The following CACNA2D4 variants were observed in gnomAD, a reference collection of about 807,000 sequenced individuals.
The protein encoded by CACNA2D4 is calcium voltage-gated channel auxiliary subunit alpha2delta 4.
A neutral mutation model predicts 163.8 loss-of-function variants in CACNA2D4; 157 were observed. The ratio of observed to expected loss-of-function variants is 0.96; its 90% CI spans 0.84 to 1.09. The LOEUF (loss-of-function observed/expected upper bound fraction) is 1.09. Ranked by LOEUF, CACNA2D4 falls within the 50% of genes least tolerant of loss-of-function variation. The probability of loss-of-function intolerance (pLI) is 0.00; values close to 1 mark genes in which losing one functional copy is unlikely to be tolerated. For missense variants in CACNA2D4, 1,410 were observed against 1,479.9 expected, an observed-to-expected ratio of 0.95 and a Z score of 0.78; for synonymous variants, 598 against 586.9, an observed-to-expected ratio of 1.02 and a Z score of -0.27.
Position 1,918,247 on chromosome 12 carries a change from G to T in CACNA2D4, c.227C>A (p.Thr76Lys). ...GGGTGGGGTTGAACGTGATGCTTAC[G>T]TTTCCAGAGGAATCTTGGCCTGTCC... ...AWGQAKIPLE[T>K]VKLWADTFGG... Residue 76 changes from threonine to lysine, a missense_variant and splice_region_variant, in exon 1 of 38, where the codon ACA (threonine) becomes AAA (lysine). Physicochemically the swap from Thr to Lys is moderately conservative, Grantham distance 78. Coordinates refer to ENST00000382722, the MANE Select transcript of CACNA2D4 (RefSeq NM_172364.5). 2 of 1,600,390 alleles carry T rather than the reference G, an allele frequency of 1.2e-6. No homozygotes were observed. Among genetic ancestry groups the T allele is most frequent in the Non-Finnish European group, 1.7e-6 (2 of 1,173,482 alleles).
chr12:1,860,004 T>G, intron 19 of CACNA2D4, 141 bp downstream of exon 19: 2 of 657,440 alleles, frequency 3.0e-6, no homozygotes. Context: ...TAGGCTACAC[T>G]GGCAAAGCAG....
At chr12:1,884,148 A>G (rs1866074392) in intron 12 of CACNA2D4, 95 bp downstream of exon 12, 1 of 1,076,908 alleles carries the variant, frequency 9.3e-7, no homozygotes, top group South Asian at 1.4e-5. Flanking sequence ...TTAGGGGCCC[A>G]TGGGGAAGCC....
intron 16 of CACNA2D4, among the ~76,000 whole-genome samples, chr12:1,877,215 T>C (rs1024382131): frequency 6.6e-6 from 1 of 152,234 alleles, no homozygotes; most frequent in African/African-American, 2.4e-5. Context: ...AATCCACTGG[T>C]TGAAGCCTTA....
intron 2 of CACNA2D4, 94 bp downstream of exon 2, chr12:1,914,760 A>G: frequency 1.3e-6 from 1 of 794,142 alleles, no homozygotes; most frequent in Non-Finnish European, 2.2e-6. Flanking sequence ...ATTTGATGGG[A>G]TGCCCAAGGC....
Position 1,879,830 on chromosome 12 carries a change from G to A in CACNA2D4, c.1537C>T (p.Pro513Ser). ...SLTLLTTVAM[P>S]VFSKKNETRS... is the part of the protein sequence containing the mutation. The stretch of plus-strand genomic sequence containing the variant: ...GTTTCGTTCTTCTTGCTGAAGACTG[G>A]CATGGCCACAGTGGTGAGCAGTGTC... The change falls in exon 14 of 38, where the codon CCA (proline) becomes TCA (serine). Residue 513 changes from proline (P) to serine (S), a missense_variant. Pro to Ser is a moderately conservative substitution (Grantham distance 74, BLOSUM62 -1). Coordinates refer to ENST00000382722, the MANE Select transcript of CACNA2D4 (RefSeq NM_172364.5). 4 of 1,602,806 alleles carry A rather than the reference G, an allele frequency of 2.5e-6. No homozygotes were observed. Among genetic ancestry groups the A allele is most frequent in the South Asian group, 2.3e-5 (2 of 88,454 alleles).
chr12:1,877,235 A>G (rs549040149), intron 16 of CACNA2D4, among the ~76,000 whole-genome samples: 5 of 152,362 alleles, frequency 3.3e-5, no homozygotes, highest in African/African-American at 9.6e-5. Context: ...ATATTCGTCT[A>G]GAGTACATAG....
At position 1,828,147 on chromosome 12, in the gene CACNA2D4, C is replaced by T; in HGVS notation, c.2551+12592G>A. 6.5e-7 allele frequency: 1 copy of T among 1,540,628 alleles called. No homozygotes were observed. Among genetic ancestry groups the T allele is most frequent in the East Asian group, 2.5e-5 (1 of 40,424 alleles). ...AGGGCCCGGAGAGCCGTGGGCCTCA[C>T]CATGCTGGCGCCGGGCAGCAGCCCT... is the stretch of plus-strand genomic sequence containing the variant. On this transcript the variant is annotated intron_variant, in intron 26 of 37. Transcript: ENST00000382722. This position sits in a 1 kb window ranked among gnomAD's most constrained non-coding sequence, Gnocchi z 4.2.
chr12:1,913,035 G>C lies in CACNA2D4; in HGVS notation c.414C>G (p.Val138=), dbSNP rs375841447. ...AGGCCTGGAGTACCTGGACCGCCTC[G>C]ACTTTCCTCCGCAGCATGTTCTCCA... ...EDMENMLRRK[V]EAVQNLVEAA... is the part of the protein sequence containing the mutation. The change falls in exon 3 of 38, where the codon GTC becomes GTG. Residue 138 remains valine, a synonymous_variant. Transcript: ENST00000382722. The C allele has an allele frequency of 1.9e-6, 3 of 1,612,046 alleles. No individual in the cohort carries two copies. In the African/African-American group the frequency reaches 4.0e-5, roughly 22 times the overall value.
At chr12:1,812,810 C>T (rs1335569063) in intron 26 of CACNA2D4, among the ~76,000 whole-genome samples, 2 of 152,172 alleles carry the variant, frequency 1.3e-5, no homozygotes, top group Non-Finnish European at 2.9e-5. Flanking sequence ...GAAGGAGCGG[C>T]GGGCACAGGC....
intron 36 of CACNA2D4, 115 bp from the exon 37 acceptor site, chr12:1,795,496 G>C: frequency 9.3e-7 from 1 of 1,079,848 alleles, no homozygotes. Flanking sequence ...AGCAGCTTTA[G>C]GGTCAGGAGG....
chr12:1,797,776 G>A (rs1365891266), intron 34 of CACNA2D4: 3 of 572,538 alleles, frequency 5.2e-6, no homozygotes, highest in Non-Finnish European at 9.3e-6. Context: ...CCTCGGTGGA[G>A]GGAAAGCGCT....
chr12:1,872,112 C>T (rs576222973), intron 18 of CACNA2D4, among the ~76,000 whole-genome samples: 11 of 152,260 alleles, frequency 7.2e-5, no homozygotes, highest in East Asian at 1.9e-4. Flanking sequence ...GGGCTTCTTA[C>T]GAGTTTAACA....
chr12:1,795,812 CCGTGG>C (rs1863105310), intron 35 of CACNA2D4, 32 bp from the exon 36 acceptor site: 1 of 1,372,288 alleles, frequency 7.3e-7, no homozygotes, highest in South Asian at 1.2e-5. Context: ...GAGGATGGCT[CCGTGG>C]CGACCACGAG....
chr12:1,870,936 C>T (rs932402170), intron 18 of CACNA2D4, among the ~76,000 whole-genome samples: 8 of 152,204 alleles, frequency 5.3e-5, no homozygotes, highest in African/African-American at 1.9e-4. Flanking sequence ...GAGCACGTCA[C>T]AGAGTACTCT....
chr12:1,800,435 T>C lies in CACNA2D4; in HGVS notation c.2872A>G (p.Ile958Val). 6.2e-7 allele frequency: 1 copy of C among 1,613,564 alleles called. No individual in the cohort carries two copies. The highest frequency in any genetic ancestry group is 2.2e-5 in the East Asian group (1 of 44,842). ...HSAAQPLVSPISAFLTATRWL... is the reference protein window; with the variant it reads ...HSAAQPLVSPVSAFLTATRWL... ...CTGGTCGCCGTCAAGAAGGCAGAAA[T>C]TGGCTGGGAAGGAGAGAGTGCACAC... Residue 958 changes from isoleucine (I) to valine (V), a missense_variant, in exon 32 of 38, where the codon ATT becomes GTT. Coordinates refer to ENST00000382722, the MANE Select transcript of CACNA2D4 (RefSeq NM_172364.5).
intron 26 of CACNA2D4, chr12:1,835,111 T>C (rs1457449267): frequency 2.1e-5 from 4 of 193,540 alleles, no homozygotes; most frequent in South Asian, 1.4e-4. Flanking sequence ...CTCACCTGCA[T>C]TGAGGGGACG....
chr12:1,840,752 T>C lies in CACNA2D4; in HGVS notation c.2538A>G (p.Thr846=). The C allele has an allele frequency of 6.2e-7, 1 of 1,613,822 alleles. No homozygotes were observed. Among genetic ancestry groups the C allele is most frequent in the Non-Finnish European group, 8.5e-7 (1 of 1,179,806 alleles). ...TAVAVTVDKR[T]AIAAAAGVQM... The stretch of plus-strand genomic sequence containing the variant: ...GGCCGTTCCTACCTGCAGCAATGGC[T>C]GTCCTCTTGTCCACGGTCACCGCCA... The change falls in exon 26 of 38, where the codon ACA becomes ACG. Residue 846 remains threonine, a synonymous_variant. Transcript: ENST00000382722.
chr12:1,846,715 G>A (rs1260032004), intron 23 of CACNA2D4, 26 bp from the exon 24 acceptor site: 3 of 1,555,624 alleles, frequency 1.9e-6, no homozygotes, highest in Non-Finnish European at 2.6e-6. Flanking sequence ...AGCGGGAATG[G>A]TCACCACATG....
rs1340949971 is a variant in CACNA2D4, at chr12:1,834,154, A to C, written c.2551+6585T>G. On this transcript the variant is annotated intron_variant, in intron 26 of 37. Transcript: ENST00000382722. This position sits in a 1 kb window ranked among gnomAD's most constrained non-coding sequence, Gnocchi z 7.6. Reference sequence around the variant, plus strand: ...AGATGGTGATTCCAGGATTGACTACATTGCTGATAAAAACTACCTTCTGGG... The same window carrying C: ...AGATGGTGATTCCAGGATTGACTACCTTGCTGATAAAAACTACCTTCTGGG... 1 of 1,227,920 alleles carries C rather than the reference A, an allele frequency of 8.1e-7. No homozygotes were observed. The highest frequency in any genetic ancestry group is 1.5e-5 in the African/African-American group (1 of 65,778). 76.1% of individuals were successfully genotyped at this position (1,227,920 alleles called of 1,614,324 possible).
Sources: gnomAD v4.1 joint callset for allele counts (sites outside exome capture counted in the v4.1 genomes callset) on GRCh38, gnomAD v4.1.1 for gene constraint, Gnocchi (gnomAD v3.1) non-coding constraint, MANE v1.5 for transcripts, NCBI Gene and HGNC (gene_info 2026-07-23, HGNC 2026-07-21) for gene names.